TMCC1: variants seen among roughly 807,000 people sequenced by gnomAD.
The protein encoded by TMCC1 is transmembrane and coiled-coil domains protein 1.
In TMCC1, 15 loss-of-function variants were observed where a neutral mutation model predicts 52.4. The ratio of observed to expected loss-of-function variants is 0.29; its 90% confidence interval spans 0.19 to 0.44. The LOEUF is 0.44. Among genes scored for constraint, TMCC1 ranks in the 20% least tolerant of loss-of-function variants. The probability of loss-of-function intolerance (pLI) is 1.00; values close to 1 mark genes in which losing one functional copy is unlikely to be tolerated. For missense variants in TMCC1, 503 were observed against 806.0 expected (o/e 0.62, Z 4.55); for synonymous variants, 279 against 301.9 (o/e 0.92, Z 0.79).
chr3:129,778,683 G>GGC (rs2055254553), intron 4 of TMCC1, among the ~76,000 whole-genome samples: 1 of 150,148 alleles, frequency 6.7e-6, no homozygotes, highest in Non-Finnish European at 1.5e-5. Flanking sequence ...GTGGGGGGGG[G>GGC]GCAGTCTCCC....
intron 4 of TMCC1, among the ~76,000 whole-genome samples, chr3:129,809,929 G>A (rs1442437863): frequency 2.0e-5 from 3 of 152,090 alleles, no homozygotes; most frequent in Non-Finnish European, 4.4e-5. Context: ...CTGATTTTAT[G>A]TAGAAAAACA....
At chr3:129,679,212 T>A (rs960403177) in intron 4 of TMCC1, among the ~76,000 whole-genome samples, 4 of 152,224 alleles carry the variant, frequency 2.6e-5, no homozygotes, top group Non-Finnish European at 4.4e-5. Context: ...GGAGTGCTCT[T>A]CCCTCAGACA....
At chr3:129,713,535 TTC>T (rs1296865572) in intron 4 of TMCC1, among the ~76,000 whole-genome samples, 5 of 152,016 alleles carry the variant, frequency 3.3e-5, no homozygotes, top group Non-Finnish European at 7.4e-5. Flanking sequence ...CTCTCTCAAA[TTC>T]TGTGACCTGG....
chr3:129,704,896 A>G (rs576351187), intron 4 of TMCC1, among the ~76,000 whole-genome samples: 4 of 152,318 alleles, frequency 2.6e-5, no homozygotes, highest in Non-Finnish European at 4.4e-5. Context: ...ACTTATTCCC[A>G]GACCTTGATT....
At chr3:129,790,707 T>C (rs1452884384) in intron 4 of TMCC1, among the ~76,000 whole-genome samples, 3 of 152,152 alleles carry the variant, frequency 2.0e-5, no homozygotes, top group Non-Finnish European at 1.5e-5. Flanking sequence ...TCCTTAAACA[T>C]TATTATAGAA....
At chr3:129,846,222 G>A (rs1260168208) in intron 2 of TMCC1, among the ~76,000 whole-genome samples, 1 of 151,984 alleles carries the variant, frequency 6.6e-6, no homozygotes, top group African/African-American at 2.4e-5. Flanking sequence ...GGGAGGCCAA[G>A]GCAGGCAGAT....
chr3:129,889,861 T>C (rs747072293), intron 1 of TMCC1, among the ~76,000 whole-genome samples: 2 of 151,056 alleles, frequency 1.3e-5, no homozygotes, highest in Non-Finnish European at 2.9e-5. Context: ...TCAGGAAAGA[T>C]TTGGTCAAGG....
intron 4 of TMCC1, among the ~76,000 whole-genome samples, chr3:129,780,009 CCCATTACAAG>C (rs1471588915): frequency 1.3e-5 from 2 of 152,076 alleles, no homozygotes; most frequent in Non-Finnish European, 2.9e-5. Context: ...ACTGCCTCAT[CCCATTACAAG>C]CCATTCTGAT....
At chr3:129,690,413 A>G (rs2046942935) in intron 4 of TMCC1, among the ~76,000 whole-genome samples, 3 of 152,190 alleles carry the variant, frequency 2.0e-5, no homozygotes. Flanking sequence ...GGGTAGGTAC[A>G]GTATTTAATC....
At chr3:129,760,669 G>A (rs1345697341) in intron 4 of TMCC1, among the ~76,000 whole-genome samples, 2 of 151,934 alleles carry the variant, frequency 1.3e-5, no homozygotes, top group African/African-American at 4.8e-5. Flanking sequence ...AGTAGAGACG[G>A]GGTTTCACCG....
At chr3:129,686,655 G>A (rs987094311) in intron 4 of TMCC1, among the ~76,000 whole-genome samples, 3 of 152,104 alleles carry the variant, frequency 2.0e-5, no homozygotes, top group Non-Finnish European at 4.4e-5. Context: ...AGAAAAACCA[G>A]TAACCAAACA....
intron 4 of TMCC1, among the ~76,000 whole-genome samples, chr3:129,779,086 A>G (rs772900367): frequency 6.6e-6 from 1 of 152,112 alleles, no homozygotes; most frequent in Non-Finnish European, 1.5e-5. Context: ...CATGAATTAC[A>G]GCACAACATT....
intron 4 of TMCC1, among the ~76,000 whole-genome samples, chr3:129,799,434 T>C (rs915198010): frequency 6.6e-6 from 1 of 152,200 alleles, no homozygotes; most frequent in African/African-American, 2.4e-5. Flanking sequence ...TTTTCAGAGA[T>C]GGCATTTCCA....
chr3:129,780,085 C>T (rs971682127), intron 4 of TMCC1, among the ~76,000 whole-genome samples: 1 of 152,048 alleles, frequency 6.6e-6, no homozygotes, highest in East Asian at 1.9e-4. Flanking sequence ...ACTCCATTTC[C>T]CCATCTTTTT....
intron 4 of TMCC1, among the ~76,000 whole-genome samples, chr3:129,827,392 T>C (rs1316843012): frequency 6.6e-6 from 1 of 152,230 alleles, no homozygotes; most frequent in Non-Finnish European, 1.5e-5. Context: ...CTTAGTGTAC[T>C]TCCATGGTAA....
chr3:129,850,343 T>C (rs2059861683), intron 2 of TMCC1, among the ~76,000 whole-genome samples: 2 of 152,210 alleles, frequency 1.3e-5, no homozygotes, highest in Admixed American at 6.5e-5. Flanking sequence ...CCCAACACAC[T>C]GATGTTAACA....
chr3:129,772,331 G>C (rs1159205077), intron 4 of TMCC1, among the ~76,000 whole-genome samples: 4 of 151,106 alleles, frequency 2.6e-5, no homozygotes, highest in Non-Finnish European at 1.5e-5. Flanking sequence ...ATAGAGTGGA[G>C]AGTGTGTCTC....
intron 4 of TMCC1, among the ~76,000 whole-genome samples, chr3:129,714,010 C>T (rs1265971205): frequency 6.6e-6 from 1 of 152,062 alleles, no homozygotes; most frequent in Non-Finnish European, 1.5e-5. Context: ...AAATGAAAAG[C>T]CCCTGTTTCT....
intron 2 of TMCC1, among the ~76,000 whole-genome samples, chr3:129,839,674 C>T (rs956333233): frequency 6.6e-6 from 1 of 151,970 alleles, no homozygotes; most frequent in Admixed American, 6.6e-5. Flanking sequence ...CGCTTGAGCC[C>T]AAGAGTTTGA....
Sources: gnomAD v4.1 joint callset for allele counts (sites outside exome capture counted in the v4.1 genomes callset) on GRCh38, gnomAD v4.1.1 for gene constraint, MANE v1.5 for transcripts, NCBI Gene and HGNC (gene_info 2026-07-23, HGNC 2026-07-21) for gene names.